Variants in PCDH7 observed in about 807,000 individuals in gnomAD.
PCDH7 encodes the protein protocadherin 7.
A neutral mutation model predicts 58.9 loss-of-function variants in PCDH7; 17 were observed. That is an observed-to-expected ratio of 0.29 (90% CI 0.20 to 0.43). The LOEUF (loss-of-function observed/expected upper bound fraction) is 0.43, where lower values mean the gene tolerates loss of function less well. PCDH7 is among the 20% of genes least tolerant of loss of function. PCDH7 has a pLI of 1.00. For synonymous variants in PCDH7, 664 were observed against 616.4 expected (o/e 1.08, Z -1.14); for missense variants, 1,274 against 1,441.0 (o/e 0.88, Z 1.88).
intron 1 of PCDH7, among the ~76,000 whole-genome samples, chr4:30,801,832 T>G (rs1577862119): frequency 6.6e-6 from 1 of 152,208 alleles, no homozygotes; most frequent in Non-Finnish European, 1.5e-5. Context: ...CAAACACTAC[T>G]GCTGGAATGA....
chr4:30,860,567 A>C (rs1359200160), intron 1 of PCDH7, among the ~76,000 whole-genome samples: 1 of 152,138 alleles, frequency 6.6e-6, no homozygotes, highest in East Asian at 1.9e-4. Context: ...GAACAAGGAC[A>C]TACCTTTCTG....
chr4:30,995,516 GAAA>G (rs113854072), intron 3 of PCDH7, among the ~76,000 whole-genome samples: 1 of 140,352 alleles, frequency 7.1e-6, no homozygotes. Context: ...CCTCCCAAAG[GAAA>G]AAAAAAAAAA....
intron 3 of PCDH7, among the ~76,000 whole-genome samples, chr4:31,061,861 G>A (rs1002853878): frequency 1.3e-5 from 2 of 151,684 alleles, no homozygotes; most frequent in African/African-American, 4.8e-5. Context: ...GAGTCAACAT[G>A]GTTAAATTGG....
intron 1 of PCDH7, among the ~76,000 whole-genome samples, chr4:30,907,886 G>A (rs1291251600): frequency 6.6e-6 from 1 of 152,170 alleles, no homozygotes; most frequent in African/African-American, 2.4e-5. Flanking sequence ...TTAAGAAAAT[G>A]TGGCACATAT....
chr4:30,985,012 A>G, intron 3 of PCDH7, among the ~76,000 whole-genome samples: 1 of 151,936 alleles, frequency 6.6e-6, no homozygotes, highest in African/African-American at 2.4e-5. Flanking sequence ...CGTCGCCCAG[A>G]CTGGAGTGCA....
Position 30,866,887 on chromosome 4 carries a change from C to T in PCDH7, c.71-53266C>T, listed in dbSNP as rs116793807. On this transcript the variant is annotated intron_variant, in intron 1 of 3. Transcript: ENST00000509759. ...CATTTTGATAAAGCAGTAAACCTGACGTTTTGTTTTCCTTTTTCTTTTCCT... is the reference window on the plus strand; with the variant it reads ...CATTTTGATAAAGCAGTAAACCTGATGTTTTGTTTTCCTTTTTCTTTTCCT... Among the ~76,000 whole-genome samples the T allele has an allele frequency of 6.6e-5, 10 of 152,176 alleles. No homozygotes were observed. In the East Asian group the frequency reaches 1.2e-3, roughly 18 times the overall value.
chr4:31,113,721 T>C (rs1716622120), intron 3 of PCDH7, among the ~76,000 whole-genome samples: 1 of 152,172 alleles, frequency 6.6e-6, no homozygotes, highest in African/African-American at 2.4e-5. Context: ...AGCAGATAGG[T>C]ACAAAAAATT....
intron 1 of PCDH7, among the ~76,000 whole-genome samples, chr4:30,883,085 A>T (rs1428008055): frequency 6.6e-6 from 1 of 152,196 alleles, no homozygotes; most frequent in East Asian, 1.9e-4. Flanking sequence ...ATGTGCACAC[A>T]TGTGCACGGG....
chr4:30,847,904 G>A (rs967286001), intron 1 of PCDH7, among the ~76,000 whole-genome samples: 2 of 152,124 alleles, frequency 1.3e-5, no homozygotes, highest in African/African-American at 4.8e-5. Flanking sequence ...TGAACCTAGG[G>A]TTTAGAGTTG....
intron 3 of PCDH7, among the ~76,000 whole-genome samples, chr4:31,014,704 T>A (rs1266604490): frequency 1.3e-5 from 2 of 152,246 alleles, no homozygotes; most frequent in African/African-American, 4.8e-5. Context: ...ATATGTAATG[T>A]ATTCTATAAA....
downstream of PCDH7, among the ~76,000 whole-genome samples, chr4:30,736,532 TTTA>T (rs1378328519): frequency 2.3e-5 from 3 of 133,222 alleles, no homozygotes; most frequent in African/African-American, 8.6e-5. Flanking sequence ...TTTATTTTCA[TTTA>T]TTTTTTTTTT....
At chr4:31,028,463 C>A (rs933212749) in intron 3 of PCDH7, among the ~76,000 whole-genome samples, 1 of 151,970 alleles carries the variant, frequency 6.6e-6, no homozygotes, top group Admixed American at 6.6e-5. Flanking sequence ...CCAGCCTGGG[C>A]AATATAGTGA....
rs11933241 is a variant in PCDH7 at position 30,754,190 on chromosome 4, T to G, written c.70+29594T>G. 3.5e-3 allele frequency among the ~76,000 whole-genome samples: 448 copies of G among 126,872 alleles called. 2 individuals are homozygous for G. The highest frequency in any genetic ancestry group is 7.1e-3 in the East Asian group (31 of 4,376). The allele number at this position is 126,872 out of a possible 152,430, so 83.2% of individuals were successfully genotyped here. On this transcript the variant is annotated intron_variant, in intron 1 of 3. Transcript: ENST00000509759. ...TGTGTGTGTGTGTGTGTGTGTGTGTTTTTTCTGGAGGGAGGAGGAAGTAGT... is the reference window on the plus strand; with the variant it reads ...TGTGTGTGTGTGTGTGTGTGTGTGTGTTTTCTGGAGGGAGGAGGAAGTAGT...
intron 3 of PCDH7, among the ~76,000 whole-genome samples, chr4:31,090,072 T>C (rs1034374062): frequency 6.6e-6 from 1 of 152,050 alleles, no homozygotes; most frequent in Admixed American, 6.6e-5. Context: ...TCCTTTGATT[T>C]CGGTGGCCAA....
intron 3 of PCDH7, among the ~76,000 whole-genome samples, chr4:31,088,235 G>A (rs989701321): frequency 1.2e-4 from 19 of 152,082 alleles, no homozygotes; most frequent in African/African-American, 4.6e-4. Flanking sequence ...TGGGGACATT[G>A]TTATTATCTA....
chr4:30,765,863 C>G (rs1296202981), intron 1 of PCDH7, among the ~76,000 whole-genome samples: 1 of 152,090 alleles, frequency 6.6e-6, no homozygotes, highest in East Asian at 1.9e-4. Flanking sequence ...CTTCCTCCCC[C>G]ACCTGTCATT....
intron 1 of PCDH7, among the ~76,000 whole-genome samples, chr4:30,824,111 CTT>C (rs1313618309): frequency 1.4e-5 from 2 of 140,064 alleles, no homozygotes; most frequent in African/African-American, 2.7e-5. Flanking sequence ...TTCTTTCTTT[CTT>C]TCTTTCTTTC....
At position 31,053,295 on chromosome 4, in the gene PCDH7, C is replaced by T. The variant is rs74341591; in HGVS notation, c.*8-89178C>T. 8.9e-3 allele frequency among the ~76,000 whole-genome samples: 1,349 copies of T among 152,266 alleles called. 37 individuals are homozygous for T. Among genetic ancestry groups the T allele is most frequent in the Admixed American group, 0.055 (835 of 15,278 alleles). On this transcript the variant is annotated intron_variant, in intron 3 of 3. Transcript: ENST00000509759. The stretch of plus-strand genomic sequence containing the variant: ...CCCCTAGTCATTTAGACTATCCCAA[C>T]CTATCTTTCTGAACTTTACATCCTG...
intron 3 of PCDH7, among the ~76,000 whole-genome samples, chr4:31,089,710 A>C (rs1712976054): frequency 6.6e-6 from 1 of 151,968 alleles, no homozygotes; most frequent in Non-Finnish European, 1.5e-5. Context: ...CCCTGTAACA[A>C]TTTTCATTTT....
Sources: gnomAD v4.1 joint callset for allele counts (sites outside exome capture counted in the v4.1 genomes callset) on GRCh38, gnomAD v4.1.1 for gene constraint, MANE v1.5 for transcripts, NCBI Gene and HGNC (gene_info 2026-07-23, HGNC 2026-07-21) for gene names.